TTLL6: variants seen among roughly 807,000 people sequenced by gnomAD.
The protein encoded by TTLL6 is tubulin tyrosine ligase like 6, also known as tubulin polyglutamylase TTLL6.
TTLL6 carries 75 observed loss-of-function variants against 96.4 expected under a neutral mutation model. The observed-to-expected ratio is 0.78, with a 90% CI of 0.65 to 0.94. The LOEUF (loss-of-function observed/expected upper bound fraction) is 0.94, where lower values mean the gene tolerates loss of function less well. Among genes scored for constraint, TTLL6 ranks in the 40% least tolerant of loss-of-function variants. The pLI is 0.00. For synonymous variants in TTLL6, 411 were observed against 419.4 expected, an observed-to-expected ratio of 0.98 and a Z score of 0.24; for missense variants, 1,030 against 1,093.0, an observed-to-expected ratio of 0.94 and a Z score of 0.81.
At chr17:48,787,784 C>T (rs1440803826) in intron 11 of TTLL6, 27 bp downstream of exon 11, 1 of 1,603,360 alleles carries the variant, frequency 6.2e-7, no homozygotes, top group Admixed American at 1.7e-5. Context: ...AACCCCTCCA[C>T]CGACCTCATC....
At chr17:48,798,350 T>G (rs955706767) in intron 6 of TTLL6, among the ~76,000 whole-genome samples, 1 of 152,248 alleles carries the variant, frequency 6.6e-6, no homozygotes, top group South Asian at 2.1e-4. Flanking sequence ...GCAGATCACT[T>G]GAGGTCAGGA....
intron 10 of TTLL6, among the ~76,000 whole-genome samples, chr17:48,788,552 AGAAG>A (rs1345535789): frequency 6.6e-6 from 1 of 152,172 alleles, no homozygotes; most frequent in African/African-American, 2.4e-5. Flanking sequence ...ACTGATTCGG[AGAAG>A]GCCCTTAACC....
chr17:48,798,817 CTTTTT>C (rs546272759), intron 6 of TTLL6, among the ~76,000 whole-genome samples: 2 of 116,940 alleles, frequency 1.7e-5, no homozygotes, highest in African/African-American at 3.3e-5. Context: ...TGTTGCAGTT[CTTTTT>C]TTTTTTTTTT....
In TTLL6 at chr17:48,792,162, T is replaced by C. The variant is rs1261872743; in HGVS notation, c.999-559A>G. ...TGCCAGGCAAACTGGACTGTCCCAG[T>C]TTTAGAATTGCAAGTCCTGAATTCC... is the stretch of plus-strand genomic sequence containing the variant. On this transcript the variant is annotated intron_variant, in intron 8 of 15. Transcript: ENST00000393382. Among the ~76,000 whole-genome samples the C allele has an allele frequency of 6.6e-5, 10 of 152,212 alleles. No individual in the cohort carries two copies. In the East Asian group the frequency reaches 1.9e-3, roughly 29 times the overall value.
chr17:48,795,659 G>A (rs766691981), intron 8 of TTLL6, among the ~76,000 whole-genome samples: 1 of 152,170 alleles, frequency 6.6e-6, no homozygotes, highest in Non-Finnish European at 1.5e-5. Flanking sequence ...ATGGAGCAAC[G>A]TCCAGGGGAA....
chr17:48,804,610 G>A (rs1414717855), intron 2 of TTLL6, 162 bp downstream of exon 2: 11 of 676,538 alleles, frequency 1.6e-5, no homozygotes, highest in Admixed American at 9.2e-5. Flanking sequence ...ACAGATCATC[G>A]AAAGTAGATT....
At chr17:48,800,914 T>A (rs1475257007) in intron 5 of TTLL6, among the ~76,000 whole-genome samples, 1 of 152,148 alleles carries the variant, frequency 6.6e-6, no homozygotes, top group East Asian at 1.9e-4. Flanking sequence ...TAGCACACTC[T>A]CTCCAGAGGT....
chr17:48,803,860 C>T (rs1038849343), intron 3 of TTLL6, 31 bp downstream of exon 3: 1 of 1,551,268 alleles, frequency 6.4e-7, no homozygotes, highest in African/African-American at 1.4e-5. Flanking sequence ...AGTGGGTCCC[C>T]ATTATAGATC....
intron 12 of TTLL6, among the ~76,000 whole-genome samples, chr17:48,785,945 G>T (rs116780871): frequency 1.3e-5 from 2 of 152,310 alleles, no homozygotes; most frequent in East Asian, 3.9e-4. Context: ...AGGACAGACC[G>T]GTGAGAGTCC....
intron 8 of TTLL6, among the ~76,000 whole-genome samples, chr17:48,793,568 C>G (rs1236109078): frequency 2.7e-5 from 4 of 149,768 alleles, no homozygotes; most frequent in African/African-American, 9.9e-5. Flanking sequence ...GCACTCCAGT[C>G]TGGGGTGACA....
At chr17:48,800,430 C>T (rs2039389335) in intron 5 of TTLL6, among the ~76,000 whole-genome samples, 1 of 152,192 alleles carries the variant, frequency 6.6e-6, no homozygotes, top group South Asian at 2.1e-4. Context: ...AAACTTGTAA[C>T]CAGGAAGTCA....
chr17:48,773,853 C>T (rs940834133), intron 13 of TTLL6, among the ~76,000 whole-genome samples: 5 of 151,604 alleles, frequency 3.3e-5, no homozygotes, highest in African/African-American at 7.3e-5. Flanking sequence ...GAGGCCGAAG[C>T]GGGTGGGTCA....
chr17:48,769,680 C>CT (rs779379324), intron 14 of TTLL6, 48 bp downstream of exon 14: 1 of 1,586,078 alleles, frequency 6.3e-7, no homozygotes, highest in East Asian at 2.2e-5. Context: ...CTATCGGTCC[C>CT]TCTCCCCTTT....
chr17:48,764,541 G>A (rs1173511478), intron 15 of TTLL6, among the ~76,000 whole-genome samples: 3 of 152,126 alleles, frequency 2.0e-5, no homozygotes, highest in Non-Finnish European at 4.4e-5. Context: ...CTGATGTGTG[G>A]AAGGTGTTAT....
intron 10 of TTLL6, among the ~76,000 whole-genome samples, chr17:48,788,252 G>C (rs1312330614): frequency 1.3e-5 from 2 of 152,198 alleles, no homozygotes; most frequent in Non-Finnish European, 2.9e-5. Context: ...ATTCTGTCCT[G>C]TTCCAAGTAA....
At chr17:48,804,705 C>G in intron 2 of TTLL6, 67 bp downstream of exon 2, 1 of 1,335,872 alleles carries the variant, frequency 7.5e-7, no homozygotes, top group Non-Finnish European at 1.0e-6. Flanking sequence ...AGCCAAGACC[C>G]CCTTCCCTCC....
At chr17:48,781,169 C>T (rs567852113) in intron 13 of TTLL6, among the ~76,000 whole-genome samples, 109 of 152,176 alleles carry the variant, frequency 7.2e-4, no homozygotes, top group Non-Finnish European at 1.4e-3. Flanking sequence ...GCCTCAGCCT[C>T]CCGAGGAGCT....
chr17:48,794,065 G>C, intron 8 of TTLL6: 1 of 1,341,172 alleles, frequency 7.5e-7, no homozygotes, highest in South Asian at 1.3e-5. Flanking sequence ...AGCAAGGGCA[G>C]GCGGAGGCCA....
chr17:48,794,763 G>A (rs1483180075), intron 8 of TTLL6, among the ~76,000 whole-genome samples: 1 of 152,232 alleles, frequency 6.6e-6, no homozygotes, highest in Non-Finnish European at 1.5e-5. Context: ...GTCATGAACT[G>A]TCACATGCCT....
Sources: allele counts gnomAD v4.1 joint callset (sites outside exome capture counted in the v4.1 genomes callset), GRCh38; gene constraint gnomAD v4.1.1; transcripts MANE v1.5; gene names NCBI Gene and HGNC (gene_info 2026-07-23, HGNC 2026-07-21).